The following SHQ1 variants were observed in gnomAD, a reference collection of about 807,000 sequenced individuals.
SHQ1 encodes the protein SHQ1, H/ACA ribonucleoprotein assembly factor.
In SHQ1, 49 loss-of-function variants were observed where a neutral mutation model predicts 53.8. That is an observed-to-expected ratio of 0.91 (90% CI 0.72 to 1.16). The LOEUF is 1.16. Among genes scored for constraint, SHQ1 ranks in the 50% most tolerant of loss-of-function variants. The pLI is 0.00. For missense variants in SHQ1, 738 were observed against 683.1 expected, an observed-to-expected ratio of 1.08 and a Z score of -0.90; for synonymous variants, 243 against 251.0, an observed-to-expected ratio of 0.97 and a Z score of 0.30.
At position 72,845,913 on chromosome 3, in the gene SHQ1, G is replaced by A. The variant is rs141381715; in HGVS notation, c.144-1490C>T. Among the ~76,000 whole-genome samples, 8 of 152,276 alleles carry A rather than the reference G, an allele frequency of 5.3e-5. No homozygotes were observed. In the East Asian group the frequency reaches 9.6e-4, roughly 18 times the overall value. ...TGAGTTTGTTATAATGGTTACAAAC[G>A]CTAACTTTAGTGTCAGAATCTGAAT... On this transcript the variant is annotated intron_variant, in intron 1 of 10. Coordinates refer to ENST00000325599, the MANE Select transcript of SHQ1 (RefSeq NM_018130.3).
intron 5 of SHQ1, among the ~76,000 whole-genome samples, chr3:72,830,688 C>T (rs1707797811): frequency 6.6e-6 from 1 of 152,096 alleles, no homozygotes; most frequent in Non-Finnish European, 1.5e-5. Context: ...GAATCTTTAC[C>T]TCATGACTCC....
intron 6 of SHQ1, among the ~76,000 whole-genome samples, chr3:72,818,389 C>T (rs1028101829): frequency 1.3e-5 from 2 of 152,052 alleles, no homozygotes; most frequent in Middle Eastern, 3.2e-3. Flanking sequence ...TTATTAGAGG[C>T]TTTATTTCCA....
chr3:72,814,058 A>C (rs11928620), intron 8 of SHQ1, among the ~76,000 whole-genome samples: 33,087 of 151,968 alleles, frequency 0.22, 3,822 homozygotes, highest in Non-Finnish European at 0.24. Flanking sequence ...CATATGTAAA[A>C]TTTAAAATTA....
the SHQ1 span, among the ~76,000 whole-genome samples, chr3:72,743,848 C>G: frequency 6.6e-6 from 1 of 152,182 alleles, no homozygotes; most frequent in Non-Finnish European, 1.5e-5. Flanking sequence ...AAGACCATTA[C>G]AAATTGTTCT....
intron 4 of SHQ1, among the ~76,000 whole-genome samples, chr3:72,833,499 T>TAGATAGACAGACAGAC (rs1420801849): frequency 8.0e-5 from 3 of 37,390 alleles, no homozygotes; most frequent in African/African-American, 1.9e-4. Flanking sequence ...GATAGATAGA[T>TAGATAGACAGACAGAC]AGACAGACAG....
intron 9 of SHQ1, among the ~76,000 whole-genome samples, chr3:72,808,942 A>G (rs1707035924): frequency 6.6e-6 from 1 of 152,198 alleles, no homozygotes; most frequent in African/African-American, 2.4e-5. Context: ...GCTTAAGAGT[A>G]AAGAGGTCCA....
intron 2 of SHQ1, among the ~76,000 whole-genome samples, chr3:72,842,695 C>A (rs1009087279): frequency 6.6e-6 from 1 of 152,200 alleles, no homozygotes; most frequent in Non-Finnish European, 1.5e-5. Context: ...GGCTCTAAAA[C>A]TATGCCCTCA....
At chr3:72,739,110 G>A in the SHQ1 span, among the ~76,000 whole-genome samples, 7 of 152,246 alleles carry the variant, frequency 4.6e-5, no homozygotes, top group South Asian at 1.4e-3. Context: ...GGGGCCATCC[G>A]GGAGCTGCCC....
rs200649367 is a variant in SHQ1, at chr3:72,790,158, GGCCAGGA to G, written c.1181+2751_1181+2757del. On this transcript the variant is annotated intron_variant, in intron 10 of 10. Coordinates refer to ENST00000325599, the MANE Select transcript of SHQ1 (RefSeq NM_018130.3). ...GTAAAATCTGTAACTCAGAATGAGAGGCCAGGAGCTTCAGTTTCTCAGCTTTGCAAAT... is the reference window on the plus strand; with the variant it reads ...GTAAAATCTGTAACTCAGAATGAGAGGCTTCAGTTTCTCAGCTTTGCAAAT... Among the ~76,000 whole-genome samples, 691 of 152,332 alleles carry G rather than the reference GGCCAGGA, an allele frequency of 4.5e-3. 5 individuals carry two copies. The highest frequency in any genetic ancestry group is 0.015 in the African/African-American group (633 of 41,580).
intron 8 of SHQ1, among the ~76,000 whole-genome samples, chr3:72,814,202 T>G (rs1411229291): frequency 6.6e-6 from 1 of 152,222 alleles, no homozygotes; most frequent in Non-Finnish European, 1.5e-5. Flanking sequence ...TGAATTTTCA[T>G]GTAGATTTTT....
At chr3:72,837,056 T>A (rs531563922) in intron 4 of SHQ1, among the ~76,000 whole-genome samples, 1 of 152,242 alleles carries the variant, frequency 6.6e-6, no homozygotes, top group South Asian at 2.1e-4. Flanking sequence ...GCAGCAGCAG[T>A]CCCAGGAGCT....
rs1222136772 is a variant in SHQ1 at position 72,832,392 on chromosome 3, G to T, written c.576C>A (p.Ala192=). 6.2e-7 allele frequency: 1 copy of T among 1,611,650 alleles called. No individual in the cohort carries two copies. The highest frequency in any genetic ancestry group is 8.5e-7 in the Non-Finnish European group (1 of 1,179,432). The change falls in exon 5 of 11, where the codon GCC becomes GCA. Residue 192 remains alanine, a synonymous_variant. Coordinates refer to ENST00000325599, the MANE Select transcript of SHQ1 (RefSeq NM_018130.3). ...ACAGATAATGATCAGGATCAAACTT[G>T]GCCAGCTCAGCGGCCAGGCGCTTCT... is the stretch of plus-strand genomic sequence containing the variant. The part of the protein sequence containing the change: ...RRQKRLAAEL[A]KFDPDHYLAD...
In SHQ1 at chr3:72,848,155, C is replaced by A; in HGVS notation, c.143+43G>T. ...TGCATTCTCCCTCTAAAGCAGCTATCTAACGAATGCGCCTTTCCTGCGGCC... is the reference window on the plus strand; with the variant it reads ...TGCATTCTCCCTCTAAAGCAGCTATATAACGAATGCGCCTTTCCTGCGGCC... On this transcript the variant is annotated intron_variant, in intron 1 of 10. Coordinates refer to ENST00000325599, the MANE Select transcript of SHQ1 (RefSeq NM_018130.3). The A allele has an allele frequency of 1.9e-6, 3 of 1,612,498 alleles. No individual in the cohort carries two copies. The South Asian group carries it at 3.3e-5, about 18-fold the overall frequency.
At chr3:72,845,149 CATT>C (rs2106978305) in intron 1 of SHQ1, among the ~76,000 whole-genome samples, 1 of 152,182 alleles carries the variant, frequency 6.6e-6, no homozygotes, top group East Asian at 1.9e-4. Context: ...CAAATCTCAT[CATT>C]ATTATGTAGG....
At chr3:72,744,054 T>A in the SHQ1 span, among the ~76,000 whole-genome samples, 1 of 152,236 alleles carries the variant, frequency 6.6e-6, no homozygotes, top group Non-Finnish European at 1.5e-5. Context: ...GAAACACAAA[T>A]GCAATATTTT....
chr3:72,834,529 C>CA lies in SHQ1; in HGVS notation c.487-2049dup, dbSNP rs200661168. 4.4e-3 allele frequency among the ~76,000 whole-genome samples: 658 copies of CA among 150,668 alleles called. 4 individuals are homozygous for CA. Among genetic ancestry groups the CA allele is most frequent in the African/African-American group, 0.015 (621 of 41,086 alleles). ...TGGGCAATAGAGCAAGACTCCATCT[C>CA]AAAAAAAAAGAAGTCGTCGTCACTG... On this transcript the variant is annotated intron_variant, in intron 4 of 10. Transcript: ENST00000325599.
intron 6 of SHQ1, among the ~76,000 whole-genome samples, chr3:72,821,051 A>G (rs1349926105): frequency 6.6e-6 from 1 of 152,190 alleles, no homozygotes; most frequent in East Asian, 1.9e-4. Flanking sequence ...AAGGATCTCA[A>G]TGCTCTCAGA....
chr3:72,752,787 A>G (rs1705416577), intron 10 of SHQ1, among the ~76,000 whole-genome samples: 1 of 152,050 alleles, frequency 6.6e-6, no homozygotes, highest in Non-Finnish European at 1.5e-5. Context: ...TCGGCCTCCC[A>G]AAGTGCTGGG....
chr3:72,792,704 G>A (rs1268716640), intron 10 of SHQ1, among the ~76,000 whole-genome samples: 1 of 138,158 alleles, frequency 7.2e-6, no homozygotes, highest in Non-Finnish European at 1.5e-5. Flanking sequence ...AGAATCACTT[G>A]AACTTGGGAG....
Sources: gnomAD v4.1 joint callset for allele counts (sites outside exome capture counted in the v4.1 genomes callset) on GRCh38, gnomAD v4.1.1 for gene constraint, MANE v1.5 for transcripts, NCBI Gene and HGNC (gene_info 2026-07-23, HGNC 2026-07-21) for gene names.